The following SCAF4 variants were observed in gnomAD, a reference collection of about 807,000 sequenced individuals.
The protein encoded by SCAF4 is SR-related CTD associated factor 4.
Under a neutral mutation model 129.8 loss-of-function variants are expected in SCAF4, and 25 were observed. The ratio of observed to expected loss-of-function variants is 0.19; its 90% confidence interval spans 0.14 to 0.27. The LOEUF is 0.27. SCAF4 is among the 10% of genes least tolerant of loss of function. SCAF4 has a pLI of 1.00. For synonymous variants in SCAF4, 551 were observed against 497.7 expected (o/e 1.11, Z -1.43); for missense variants, 1,246 against 1,457.1 (o/e 0.86, Z 2.36).
intron 1 of SCAF4, among the ~76,000 whole-genome samples, chr21:31,707,901 T>G (rs2050705327): frequency 6.6e-6 from 1 of 152,196 alleles, no homozygotes; most frequent in African/African-American, 2.4e-5. Context: ...GATAACTACT[T>G]AAGCAGAAAA....
chr21:31,703,570 A>C (rs1196998348), intron 4 of SCAF4, among the ~76,000 whole-genome samples, 195 bp downstream of exon 4: 1 of 152,118 alleles, frequency 6.6e-6, no homozygotes, highest in Non-Finnish European at 1.5e-5. Context: ...CAACAGTATG[A>C]CTGATAATCC....
rs758691118 is a variant in SCAF4 at position 31,685,650 on chromosome 21, T to C, written c.2127A>G (p.Pro709=). 1 of 1,613,868 alleles carries C rather than the reference T, an allele frequency of 6.2e-7. No individual in the cohort carries two copies. The highest frequency in any genetic ancestry group is 8.5e-7 in the Non-Finnish European group (1 of 1,179,936). Reference sequence around the variant, plus strand: ...GAGGAGGAACACCAGGACCAAAGCCTGGAGGCGGTATTCCCAGAGGAGGCG... The same window carrying C: ...GAGGAGGAACACCAGGACCAAAGCCCGGAGGCGGTATTCCCAGAGGAGGCG... The part of the protein sequence containing the change: ...AFTPPLGIPP[P]GFGPGVPPPP... The change falls in exon 17 of 20, where the codon CCA becomes CCG. Residue 709 remains proline, a synonymous_variant. Transcript: ENST00000286835.
chr21:31,725,509 T>C (rs1179955127), intron 1 of SCAF4, among the ~76,000 whole-genome samples: 1 of 152,244 alleles, frequency 6.6e-6, no homozygotes, highest in African/African-American at 2.4e-5. Flanking sequence ...TTATGTCCAA[T>C]TTTAAAGATA....
At chr21:31,696,479 A>C (rs535078658) in intron 8 of SCAF4, 90 bp downstream of exon 8, 37 of 1,231,430 alleles carry the variant, frequency 3.0e-5, no homozygotes, top group South Asian at 2.0e-4. Context: ...ACTTCATAGA[A>C]CATTGTTGTC....
At chr21:31,672,914 C>G (rs1423602677) in intron 19 of SCAF4, among the ~76,000 whole-genome samples, 4 of 152,228 alleles carry the variant, frequency 2.6e-5, no homozygotes, top group Non-Finnish European at 5.9e-5. Context: ...CAATGTGCAT[C>G]AAATAAACAC....
intron 1 of SCAF4, among the ~76,000 whole-genome samples, chr21:31,724,649 G>A (rs898495662): frequency 1.8e-4 from 28 of 152,030 alleles, no homozygotes; most frequent in Admixed American, 1.7e-3. Flanking sequence ...CAATTCTGAA[G>A]TAAATTATAT....
intron 19 of SCAF4, among the ~76,000 whole-genome samples, chr21:31,675,904 A>G (rs1457749630): frequency 1.3e-5 from 2 of 152,190 alleles, no homozygotes; most frequent in African/African-American, 4.8e-5. Flanking sequence ...GGAGAAAGGA[A>G]GGTTGATTTC....
intron 1 of SCAF4, among the ~76,000 whole-genome samples, chr21:31,717,672 T>C (rs1049182741): frequency 4.0e-5 from 6 of 151,790 alleles, no homozygotes; most frequent in Non-Finnish European, 8.8e-5. Flanking sequence ...TGCAAATCTT[T>C]AATAAAGCCT....
At chr21:31,714,555 G>GATA (rs1475292040) in intron 1 of SCAF4, among the ~76,000 whole-genome samples, 1 of 152,158 alleles carries the variant, frequency 6.6e-6, no homozygotes, top group Non-Finnish European at 1.5e-5. Flanking sequence ...TATGAAGAAT[G>GATA]ATTCATCCTG....
chr21:31,683,496 A>G (rs999634937), intron 19 of SCAF4, among the ~76,000 whole-genome samples: 1 of 152,204 alleles, frequency 6.6e-6, no homozygotes, highest in African/African-American at 2.4e-5. Context: ...AGCAGTGGTT[A>G]TTAAACTCCT....
In SCAF4 at chr21:31,671,825, T is replaced by C; in HGVS notation, c.3018A>G (p.Gly1006=). 1 of 1,614,180 alleles carries C rather than the reference T, an allele frequency of 6.2e-7. No individual in the cohort carries two copies. The highest frequency in any genetic ancestry group is 1.1e-5 in the South Asian group (1 of 91,086). Residue 1006 remains glycine (G), a synonymous_variant, in exon 20 of 20, where the codon GGA becomes GGG. Transcript: ENST00000286835. ...DQERFGRRSF[G]NRVENDRERY... ...GTTCCCGGTCATTTTCCACCCTATT[T>C]CCAAAAGATCTTCTTCCAAACCTTT...
rs143118020 is a variant in SCAF4 at position 31,713,746 on chromosome 21, G to C, written c.31-7389C>G. On this transcript the variant is annotated intron_variant, in intron 1 of 19. Coordinates refer to ENST00000286835, the MANE Select transcript of SCAF4 (RefSeq NM_020706.2). Reference sequence around the variant, plus strand: ...AAATTTCTCATGGGCAAACCGGAGCGGGGGTGGGGTGGGGGGGGCAGGGAA... The same window carrying C: ...AAATTTCTCATGGGCAAACCGGAGCCGGGGTGGGGTGGGGGGGGCAGGGAA... 2.4e-3 allele frequency among the ~76,000 whole-genome samples: 362 copies of C among 148,306 alleles called. 4 individuals are homozygous for C. Among genetic ancestry groups the C allele is most frequent in the African/African-American group, 8.3e-3 (336 of 40,326 alleles).
rs150267574 is a variant in SCAF4 at position 31,671,566 on chromosome 21, C to G, written c.3277G>C (p.Val1093Leu). The G allele has an allele frequency of 5.4e-4, 871 of 1,614,144 alleles. No individual in the cohort carries two copies. The highest frequency in any genetic ancestry group is 6.6e-4 in the Non-Finnish European group (776 of 1,179,992). ...VTDRAGGNKT[V>L]EPPISQVGNV... Reference sequence around the variant, plus strand: ...CCCACTTGGCTAATGGGAGGTTCAACGGTTTTGTTACCACCTGCCCTGTCT... The same window carrying G: ...CCCACTTGGCTAATGGGAGGTTCAAGGGTTTTGTTACCACCTGCCCTGTCT... Residue 1093 changes from valine (V) to leucine (L), a missense_variant, in exon 20 of 20, where the codon GTT (valine) becomes CTT (leucine). Transcript: ENST00000286835.
chr21:31,686,046 T>C (rs945069016), intron 16 of SCAF4, among the ~76,000 whole-genome samples: 3 of 151,288 alleles, frequency 2.0e-5, no homozygotes, highest in African/African-American at 4.9e-5. Context: ...GTACTAAAAA[T>C]ACAAAAATTA....
At chr21:31,724,714 G>C (rs2051157751) in intron 1 of SCAF4, among the ~76,000 whole-genome samples, 1 of 151,996 alleles carries the variant, frequency 6.6e-6, no homozygotes, top group African/African-American at 2.4e-5. Context: ...GGCTTCGTAT[G>C]TGGTAAAGAA....
chr21:31,714,207 G>A (rs537016457), intron 1 of SCAF4, among the ~76,000 whole-genome samples: 1 of 152,000 alleles, frequency 6.6e-6, no homozygotes, highest in Admixed American at 6.6e-5. Context: ...ATGTCACCCC[G>A]CAGAGGACAA....
intron 1 of SCAF4, among the ~76,000 whole-genome samples, chr21:31,709,854 TAAAA>T (rs560133020): frequency 7.4e-6 from 1 of 135,620 alleles, no homozygotes; most frequent in African/African-American, 2.7e-5. Flanking sequence ...AGATGATACT[TAAAA>T]AAAAAAAAAA....
intron 1 of SCAF4, among the ~76,000 whole-genome samples, chr21:31,715,325 C>A (rs1028532923): frequency 6.6e-6 from 1 of 151,788 alleles, no homozygotes; most frequent in Non-Finnish European, 1.5e-5. Flanking sequence ...ATGATTACAC[C>A]GGGCCCACCC....
intron 14 of SCAF4, 60 bp from the exon 15 acceptor site, chr21:31,691,013 GT>G (rs1262955818): frequency 1.4e-6 from 2 of 1,421,604 alleles, no homozygotes; most frequent in Non-Finnish European, 1.9e-6. Context: ...AGTCTTGAGG[GT>G]ATTATTCTCT....
Sources: allele counts gnomAD v4.1 joint callset (sites outside exome capture counted in the v4.1 genomes callset), GRCh38; gene constraint gnomAD v4.1.1; transcripts MANE v1.5; gene names NCBI Gene and HGNC (gene_info 2026-07-23, HGNC 2026-07-21).